SHBG: variants seen among roughly 807,000 people sequenced by gnomAD.
The protein encoded by SHBG is sex hormone-binding globulin.
SHBG carries 37 observed loss-of-function variants against 41.9 expected under a neutral mutation model. That is an observed-to-expected ratio of 0.88 (90% CI 0.68 to 1.16). SHBG has a LOEUF of 1.16. Among genes scored for constraint, SHBG ranks in the 50% most tolerant of loss-of-function variants. The pLI is 0.00. For synonymous variants in SHBG, 217 were observed against 205.8 expected, an observed-to-expected ratio of 1.05 and a Z score of -0.47; for missense variants, 466 against 499.9, an observed-to-expected ratio of 0.93 and a Z score of 0.65.
chr17:7,627,654 G>T (rs779982141), upstream of SHBG: 2 of 1,613,948 alleles, frequency 1.2e-6, no homozygotes, highest in South Asian at 2.2e-5. The surrounding 1 kb of genome is among the most constrained non-coding windows in gnomAD (Gnocchi z 4.8). Context: ...CCGCTGTCTG[G>T]GACCAAAGTC....
chr17:7,622,566 C>T (rs922350210), intron 1 of SHBG, among the ~76,000 whole-genome samples: 4 of 152,034 alleles, frequency 2.6e-5, no homozygotes, highest in African/African-American at 9.7e-5. Flanking sequence ...AGCCACTGCG[C>T]CTGGCCTGGC....
At chr17:7,627,646 G>C, upstream of SHBG, 1 of 1,613,918 alleles carries the variant, frequency 6.2e-7, no homozygotes, top group South Asian at 1.1e-5. The surrounding 1 kb of genome is among the most constrained non-coding windows in gnomAD (Gnocchi z 4.8). Flanking sequence ...CCGGATCCCC[G>C]CTGTCTGGGA....
In SHBG at chr17:7,630,420, C is replaced by T. The variant is rs1207871344; in HGVS notation, c.116C>T (p.Ala39Val). ...ALRPVLPTQSAHDPPAVHLSN... is the reference protein window; with the variant it reads ...ALRPVLPTQSVHDPPAVHLSN... ...TTTGTTTTCTCTTTCTGATAGAGTG[C>T]CCACGACCCTCCGGCTGTCCACCTC... Residue 39 changes from alanine (A) to valine (V), a missense_variant, in exon 2 of 8, where the codon GCC becomes GTC. Transcript: ENST00000380450. This position sits in a 1 kb window ranked among gnomAD's most constrained non-coding sequence, Gnocchi z 4.6. 7.4e-6 allele frequency: 12 copies of T among 1,613,780 alleles called. No homozygotes were observed. In the East Asian group the frequency reaches 2.5e-4, roughly 33 times the overall value.
upstream of SHBG, among the ~76,000 whole-genome samples, chr17:7,625,925 T>C (rs1177799564): frequency 6.7e-6 from 1 of 149,346 alleles, no homozygotes; most frequent in Non-Finnish European, 1.5e-5. Context: ...GACTTTGGAC[T>C]GGGTGCAGTG....
At chr17:7,629,315 C>G (rs2072324456), upstream of SHBG, among the ~76,000 whole-genome samples, 1 of 149,106 alleles carries the variant, frequency 6.7e-6, no homozygotes, top group African/African-American at 2.5e-5. Flanking sequence ...GAGGCAGAGG[C>G]AGCAGTGAGC....
chr17:7,630,345 AG>A lies in SHBG; in HGVS notation c.111+63del. ...CTTCCCTTCTCTCCTCTGGCCCTGT[AG>A]CAGGGCCTCTCCCTCTGTCTGTCTC... On this transcript the variant is annotated intron_variant, in intron 1 of 7. Coordinates refer to ENST00000380450, the MANE Select transcript of SHBG (RefSeq NM_001040.5). This position sits in a 1 kb window ranked among gnomAD's most constrained non-coding sequence, Gnocchi z 4.6. The A allele has an allele frequency of 1.3e-6, 2 of 1,567,386 alleles. No homozygotes were observed. Among genetic ancestry groups the A allele is most frequent in the Non-Finnish European group, 1.8e-6 (2 of 1,137,570 alleles).
chr17:7,620,608 A>G (rs1012430723), intron 1 of SHBG, among the ~76,000 whole-genome samples: 1 of 151,748 alleles, frequency 6.6e-6, no homozygotes, highest in Non-Finnish European at 1.5e-5. Context: ...GGCGTGAGCT[A>G]CAGTGCCCAG....
At chr17:7,626,551 T>C, upstream of SHBG, 2 of 1,614,208 alleles carry the variant, frequency 1.2e-6, no homozygotes, top group South Asian at 1.1e-5. Flanking sequence ...TACAAGTCCA[T>C]GGCCCTCTGG....
upstream of SHBG, among the ~76,000 whole-genome samples, chr17:7,629,611 A>G (rs531988571): frequency 7.2e-5 from 11 of 152,260 alleles, no homozygotes; most frequent in East Asian, 2.1e-3. Context: ...ACCAGATGCC[A>G]GGCACTGTGC....
upstream of SHBG, chr17:7,626,794 C>G: frequency 1.9e-6 from 3 of 1,614,062 alleles, no homozygotes; most frequent in Non-Finnish European, 2.5e-6. Flanking sequence ...ATCCCTTGAC[C>G]TGTTGTGGAG....
chr17:7,614,399 C>T, intron 1 of SHBG: 1 of 1,323,988 alleles, frequency 7.6e-7, no homozygotes, highest in Non-Finnish European at 1.0e-6. Flanking sequence ...GTTCCTGCTC[C>T]GGCCAGGGGA....
At chr17:7,624,943 CTTTTTTTTTTTT>C (rs907499817), upstream of SHBG, among the ~76,000 whole-genome samples, 3 of 93,722 alleles carry the variant, frequency 3.2e-5, no homozygotes, top group Admixed American at 1.4e-4. Context: ...CAGGCGTGAG[CTTTTTTTTTTTT>C]TTTTTTTTTT....
At chr17:7,632,304 C>G (rs1383602085) in intron 6 of SHBG, among the ~76,000 whole-genome samples, 2 of 151,668 alleles carry the variant, frequency 1.3e-5, no homozygotes, top group African/African-American at 2.4e-5. Context: ...ATTAGCCAGG[C>G]ATGGTAGCAC....
upstream of SHBG, chr17:7,627,254 GAT>G: frequency 6.2e-7 from 1 of 1,613,438 alleles, no homozygotes; most frequent in Non-Finnish European, 8.5e-7. This position sits in a 1 kb window ranked among gnomAD's most constrained non-coding sequence, Gnocchi z 4.8. Context: ...GTGACAAAGA[GAT>G]AGAGAAAGAG....
At chr17:7,615,527 G>C (rs2071962297) in intron 1 of SHBG, among the ~76,000 whole-genome samples, 1 of 152,182 alleles carries the variant, frequency 6.6e-6, no homozygotes, top group African/African-American at 2.4e-5. Flanking sequence ...TTGGCCGGGC[G>C]CGGTGGCTCA....
In SHBG at chr17:7,632,955, A is replaced by G; in HGVS notation, c.1056A>G (p.Leu352=). ...AAGGGCGTCTCTTCCTGGGGGCTTT[A>G]CCAGGTAAGAGAGAATGATGTTCAA... ...KPQGRLFLGA[L]PGEDSSTSFC... The change falls in exon 7 of 8, where the codon TTA becomes TTG. Residue 352 remains leucine, a synonymous_variant. Transcript: ENST00000380450. 1.2e-6 allele frequency: 2 copies of G among 1,612,218 alleles called. No individual in the cohort carries two copies. The highest frequency in any genetic ancestry group is 1.7e-6 in the Non-Finnish European group (2 of 1,178,402).
chr17:7,614,181 G>A (rs1267981054), intron 1 of SHBG: 2 of 661,922 alleles, frequency 3.0e-6, no homozygotes, highest in East Asian at 5.9e-5. Flanking sequence ...CTGCGGAGCG[G>A]GGAGCGCCAA....
chr17:7,615,106 C>G (rs866411016), intron 1 of SHBG, among the ~76,000 whole-genome samples: 3 of 152,154 alleles, frequency 2.0e-5, no homozygotes, highest in Non-Finnish European at 2.9e-5. Context: ...CCAGCCACCC[C>G]GTCTCTTCCT....
At chr17:7,627,456 C>T, upstream of SHBG, 1 of 1,612,052 alleles carries the variant, frequency 6.2e-7, no homozygotes, top group African/African-American at 1.3e-5. This position sits in a 1 kb window ranked among gnomAD's most constrained non-coding sequence, Gnocchi z 4.8. Context: ...CAGAAGGGCC[C>T]CGCTGCTCCC....
Sources: gnomAD v4.1 joint callset for allele counts (sites outside exome capture counted in the v4.1 genomes callset) on GRCh38, gnomAD v4.1.1 for gene constraint, Gnocchi (gnomAD v3.1) non-coding constraint, MANE v1.5 for transcripts, NCBI Gene and HGNC (gene_info 2026-07-23, HGNC 2026-07-21) for gene names.